TUBGCP2: variants seen among roughly 807,000 people sequenced by gnomAD.
TUBGCP2 encodes the protein gamma-tubulin complex component 2.
A neutral mutation model predicts 92.2 loss-of-function variants in TUBGCP2; 55 were observed. The ratio of observed to expected loss-of-function variants is 0.60; its 90% CI spans 0.48 to 0.75. The LOEUF (loss-of-function observed/expected upper bound fraction) is 0.75, where lower values mean the gene tolerates loss of function less well. TUBGCP2 is among the 30% of genes least tolerant of loss of function. The pLI, the probability that TUBGCP2 is intolerant of heterozygous loss-of-function variation, is 0.00. For missense variants in TUBGCP2, 1,093 were observed against 1,188.9 expected, an observed-to-expected ratio of 0.92 and a Z score of 1.19; for synonymous variants, 533 against 505.2, an observed-to-expected ratio of 1.06 and a Z score of -0.74.
upstream of TUBGCP2, chr10:133,309,413 C>T: frequency 6.2e-7 from 1 of 1,612,378 alleles, no homozygotes; most frequent in Non-Finnish European, 8.5e-7. Flanking sequence ...AGCGCCACCT[C>T]TACCTCCAGG....
Position 133,293,251 on chromosome 10 carries a change from C to T in TUBGCP2, c.825-13G>A. 1 of 1,611,528 alleles carries T rather than the reference C, an allele frequency of 6.2e-7. No individual in the cohort carries two copies. The highest frequency in any genetic ancestry group is 8.5e-7 in the Non-Finnish European group (1 of 1,178,580). Reference sequence around the variant, plus strand: ...CTCTTCAATGAACCTGGAAGAAAAGCTGTCAGACTTCCTCAAAAAGGCAAG... The same window carrying T: ...CTCTTCAATGAACCTGGAAGAAAAGTTGTCAGACTTCCTCAAAAAGGCAAG... On this transcript the variant is annotated splice_polypyrimidine_tract_variant and intron_variant, in intron 6 of 17. Coordinates refer to ENST00000252936, the MANE Select transcript of TUBGCP2 (RefSeq NM_006659.4).
chr10:133,281,557 G>A, intron 16 of TUBGCP2, 121 bp from the exon 17 acceptor site: 1 of 1,265,362 alleles, frequency 7.9e-7, no homozygotes, highest in Non-Finnish European at 1.1e-6. Flanking sequence ...AGAAAACATG[G>A]GTTCCATGAT....
At chr10:133,297,539 C>T (rs530889005) in intron 5 of TUBGCP2, 2 of 376,888 alleles carry the variant, frequency 5.3e-6, no homozygotes, top group Non-Finnish European at 1.0e-5. Flanking sequence ...ACTTAAGAGG[C>T]CTCTGAGAAT....
chr10:133,310,726 G>A (rs779138403), upstream of TUBGCP2, among the ~76,000 whole-genome samples: 6 of 152,168 alleles, frequency 3.9e-5, no homozygotes, highest in African/African-American at 9.7e-5. Flanking sequence ...TTGGTTGTGC[G>A]CATATGAACT....
intron 5 of TUBGCP2, among the ~76,000 whole-genome samples, chr10:133,296,883 T>A (rs1211252052): frequency 6.6e-6 from 1 of 152,134 alleles, no homozygotes; most frequent in Non-Finnish European, 1.5e-5. Context: ...TACAGCAGGG[T>A]TCTGTTTGCT....
chr10:133,282,574 G>A (rs577807955), intron 15 of TUBGCP2, among the ~76,000 whole-genome samples: 2 of 152,208 alleles, frequency 1.3e-5, no homozygotes, highest in South Asian at 4.1e-4. Flanking sequence ...TTATTTTGGT[G>A]TTTCCCTATT....
At chr10:133,302,523 G>GC (rs2136138911) in intron 2 of TUBGCP2, 1 of 422,478 alleles carries the variant, frequency 2.4e-6, no homozygotes, top group Admixed American at 3.9e-5. Context: ...CATGCACCCT[G>GC]ACCCAGGGAC....
chr10:133,290,439 G>A (rs1392211939), intron 8 of TUBGCP2: 1 of 152,290 alleles, frequency 6.6e-6, no homozygotes, highest in Non-Finnish European at 1.5e-5. Flanking sequence ...GTTGCAGCGA[G>A]CCGAGATCAT....
At chr10:133,310,482 G>C, upstream of TUBGCP2, 2 of 688,098 alleles carry the variant, frequency 2.9e-6, no homozygotes, top group South Asian at 3.8e-5. Flanking sequence ...CCGAAGGGAG[G>C]CTGGAGGGGA....
rs1330370094 is a variant in TUBGCP2 at position 133,302,895 on chromosome 10, A to G, written c.47T>C (p.Leu16Pro). The change falls in exon 2 of 18, where the codon CTG (leucine) becomes CCG (proline). Residue 16 changes from leucine (L) to proline (P), a missense_variant. Physicochemically the swap from Leu to Pro is moderately conservative, Grantham distance 98. This residue lies in a region of TUBGCP2 where 490 missense variants were observed against 488.5 expected (regional missense o/e 1.00). Transcript: ENST00000252936. ...IHHDVNELLS[L>P]LRVHGGDGAE... ...CCCATCTCCTCCGTGGACACGCAGC[A>G]GGCTAAGCAGTTCATTGACGTCATG... 3.1e-6 allele frequency: 5 copies of G among 1,614,088 alleles called. No homozygotes were observed. The highest frequency in any genetic ancestry group is 3.4e-6 in the Non-Finnish European group (4 of 1,180,010).
At chr10:133,309,256 G>T, upstream of TUBGCP2, 1 of 1,336,480 alleles carries the variant, frequency 7.5e-7, no homozygotes, top group Non-Finnish European at 1.0e-6. Flanking sequence ...GCCGGAACGT[G>T]GAGTGGGCGG....
At chr10:133,290,009 G>A in intron 8 of TUBGCP2, 40 bp from the exon 9 acceptor site, 1 of 1,599,766 alleles carries the variant, frequency 6.3e-7, no homozygotes, top group Non-Finnish European at 8.6e-7. Context: ...GGCAAAGCAA[G>A]GGCGCCTGAG....
chr10:133,308,286 C>T (rs1423695661), intron 1 of TUBGCP2, among the ~76,000 whole-genome samples: 2 of 152,198 alleles, frequency 1.3e-5, no homozygotes, highest in Non-Finnish European at 2.9e-5. Context: ...GCCCTGAGCA[C>T]CTAGCACAGG....
In TUBGCP2 at chr10:133,303,991, G is replaced by A. The variant is rs947759890; in HGVS notation, c.-39-1011C>T. On this transcript the variant is annotated intron_variant, in intron 1 of 17. Transcript: ENST00000252936. ...GCGCCGCCCCTACTCTCCCACCAGTGGCTGCTCATTAGCCTCTGTCACCAA... is the reference window on the plus strand; with the variant it reads ...GCGCCGCCCCTACTCTCCCACCAGTAGCTGCTCATTAGCCTCTGTCACCAA... 3.3e-5 allele frequency among the ~76,000 whole-genome samples: 5 copies of A among 152,206 alleles called. No individual in the cohort carries two copies. The East Asian group carries it at 9.6e-4, about 29-fold the overall frequency.
chr10:133,279,526 T>C lies in TUBGCP2; in HGVS notation c.*240A>G. 1.8e-6 allele frequency: 1 copy of C among 568,024 alleles called. No homozygotes were observed. Among genetic ancestry groups the C allele is most frequent in the Non-Finnish European group, 2.9e-6 (1 of 344,486 alleles). 35.2% of individuals were successfully genotyped at this position (568,024 alleles called of 1,614,324 possible). A position where few individuals can be genotyped will look rare whatever the true frequency, so the allele number is the denominator to read the frequency against. On this transcript the variant is annotated 3_prime_UTR_variant, in exon 18 of 18. Coordinates refer to ENST00000252936, the MANE Select transcript of TUBGCP2 (RefSeq NM_006659.4). ...TTGAGGCCAAAAACACCCAAAAAGG[T>C]GATAGTGTAATTTCAAAAAGCAAAC... is the stretch of plus-strand genomic sequence containing the variant.
intron 3 of TUBGCP2, 22 bp downstream of exon 3, chr10:133,299,963 G>A (rs772270423): frequency 6.2e-7 from 1 of 1,612,864 alleles, no homozygotes; most frequent in Non-Finnish European, 8.5e-7. Flanking sequence ...GGCGCAGTGT[G>A]GCACGTGGCA....
chr10:133,279,457 T>G lies in TUBGCP2; in HGVS notation c.*309A>C, dbSNP rs1846909744. On this transcript the variant is annotated 3_prime_UTR_variant, in exon 18 of 18. Transcript: ENST00000252936. ...CACCAGGCCTGGATCTTACCCCACATGCATCTTTGCTTGCTCCTGGCTTAA... is the reference window on the plus strand; with the variant it reads ...CACCAGGCCTGGATCTTACCCCACAGGCATCTTTGCTTGCTCCTGGCTTAA... 1 of 351,316 alleles carries G rather than the reference T, an allele frequency of 2.8e-6. No individual in the cohort carries two copies. The highest frequency in any genetic ancestry group is 5.2e-6 in the Non-Finnish European group (1 of 193,918). The allele number at this position is 351,316 out of a possible 1,614,324, so 21.8% of individuals were successfully genotyped here. A position where few individuals can be genotyped will look rare whatever the true frequency, so the allele number is the denominator to read the frequency against.
chr10:133,279,612 A>T lies in TUBGCP2; in HGVS notation c.*154T>A. The T allele has an allele frequency of 8.2e-7, 1 of 1,216,438 alleles. No homozygotes were observed. Among genetic ancestry groups the T allele is most frequent in the Admixed American group, 3.7e-5 (1 of 26,700 alleles). 75.4% of individuals were successfully genotyped at this position (1,216,438 alleles called of 1,614,324 possible). On this transcript the variant is annotated 3_prime_UTR_variant, in exon 18 of 18. Transcript: ENST00000252936. ...GGGCAGCTTCTATAAAACGAAACCC[A>T]GCGCCTTGAGAAACAAAGTGAGCTG...
chr10:133,311,288 G>C (rs894377097), upstream of TUBGCP2, among the ~76,000 whole-genome samples: 8 of 152,120 alleles, frequency 5.3e-5, no homozygotes, highest in African/African-American at 1.7e-4. Context: ...AAAGACTTAC[G>C]TGTAAAGTAA....
Sources: allele counts gnomAD v4.1 joint callset (sites outside exome capture counted in the v4.1 genomes callset), GRCh38; gene constraint gnomAD v4.1.1; regional missense constraint gnomAD v4.1.1; transcripts MANE v1.5; gene names NCBI Gene and HGNC (gene_info 2026-07-23, HGNC 2026-07-21).